PHF3: variants seen among roughly 807,000 people sequenced by gnomAD.
PHF3 encodes the protein PHD finger protein 3.
In PHF3, 41 loss-of-function variants were observed where a neutral mutation model predicts 178.4. The ratio of observed to expected loss-of-function variants is 0.23; its 90% CI spans 0.18 to 0.30. The LOEUF is 0.30. Ranked by LOEUF, PHF3 falls within the 10% of genes least tolerant of loss-of-function variation. The pLI is 1.00. For synonymous variants in PHF3, 842 were observed against 800.5 expected (o/e 1.05, Z -0.88); for missense variants, 2,346 against 2,398.1 (o/e 0.98, Z 0.45).
At chr6:63,690,710 CCT>C (rs2149590608) in intron 4 of PHF3, among the ~76,000 whole-genome samples, 1 of 152,120 alleles carries the variant, frequency 6.6e-6, no homozygotes, top group Admixed American at 6.5e-5. Context: ...AAATTGCTAG[CCT>C]GAAGATGAAA....
Position 63,636,103 on chromosome 6 carries a change from A to G in PHF3, c.-73A>G. 1 of 392,034 alleles carries G rather than the reference A, an allele frequency of 2.6e-6. No homozygotes were observed. Among genetic ancestry groups the G allele is most frequent in the Non-Finnish European group, 4.5e-6 (1 of 222,432 alleles). 24.3% of individuals were successfully genotyped at this position (392,034 alleles called of 1,614,324 possible). A position where few individuals can be genotyped will look rare whatever the true frequency, so the allele number is the denominator to read the frequency against. Reference sequence around the variant, plus strand: ...CTCCTCTTCGGCGGCGGCAGCGTCCACCATCTTCCTCTTGCTGCCAGTGGT... The same window carrying G: ...CTCCTCTTCGGCGGCGGCAGCGTCCGCCATCTTCCTCTTGCTGCCAGTGGT... On this transcript the variant is annotated 5_prime_UTR_variant, in exon 1 of 16. Transcript: ENST00000262043.
intron 2 of PHF3, among the ~76,000 whole-genome samples, chr6:63,657,411 AAGCC>A (rs1765282515): frequency 6.6e-6 from 1 of 152,200 alleles, no homozygotes; most frequent in Admixed American, 6.5e-5. Context: ...TGTTGACTGG[AAGCC>A]TTACTGATAG....
rs745629200 is a variant in PHF3, at chr6:63,685,188, A to C, written c.1466A>C (p.Lys489Thr). ...TTAGAGTCAAAAAGTGTAAAATCCA[A>C]ACATACAAAACCTGTAATTCATTCT... The part of the protein sequence containing the change: ...SYLESKSVKS[K>T]HTKPVIHSKQ... Residue 489 changes from lysine (K) to threonine (T), a missense_variant, in exon 4 of 16, where the codon AAA (lysine) becomes ACA (threonine). This residue lies in a region of PHF3 where 843 missense variants were observed against 795.2 expected (regional missense o/e 1.06). Transcript: ENST00000262043. The C allele has an allele frequency of 2.2e-5, 35 of 1,613,982 alleles. No homozygotes were observed. The highest frequency in any genetic ancestry group is 3.0e-5 in the Non-Finnish European group (35 of 1,179,994).
At chr6:63,655,719 A>G (rs1370398381) in intron 2 of PHF3, among the ~76,000 whole-genome samples, 3 of 152,180 alleles carry the variant, frequency 2.0e-5, no homozygotes, top group African/African-American at 7.2e-5. Context: ...AAGCAGCTTT[A>G]ATTGCTCTCA....
chr6:63,641,483 C>T (rs1764570632), intron 1 of PHF3, among the ~76,000 whole-genome samples: 1 of 150,656 alleles, frequency 6.6e-6, no homozygotes, highest in African/African-American at 2.4e-5. Context: ...TAGTATATAA[C>T]CTCTTTGGCC....
rs190208638 is a variant in PHF3 at position 63,651,985 on chromosome 6, A to G, written c.244+5190A>G. ...CTTAGGTCGATTTCGTATTATGGCT[A>G]TTGTTAATAGTGCTGTAATAAACAT... On this transcript the variant is annotated intron_variant, in intron 2 of 15. Coordinates refer to ENST00000262043, the MANE Select transcript of PHF3 (RefSeq NM_001370348.2). Among the ~76,000 whole-genome samples, 8 of 152,194 alleles carry G rather than the reference A, an allele frequency of 5.3e-5. No homozygotes were observed. In the East Asian group the frequency reaches 1.4e-3, roughly 26 times the overall value.
intron 8 of PHF3, among the ~76,000 whole-genome samples, chr6:63,700,040 A>G (rs996034769): frequency 6.6e-6 from 1 of 152,140 alleles, no homozygotes; most frequent in Non-Finnish European, 1.5e-5. Context: ...TCGCTATACT[A>G]TAGATTGCTT....
chr6:63,711,217 T>G lies in PHF3; in HGVS notation c.3852T>G (p.Ser1284=), dbSNP rs200172174. 6.2e-7 allele frequency: 1 copy of G among 1,611,278 alleles called. No individual in the cohort carries two copies. The highest frequency in any genetic ancestry group is 1.3e-5 in the African/African-American group (1 of 74,876). ...CAGTAACTGAAGAAGATCAAATTTC[T>G]TATACTTTGCTCTTTGCATACTTCA... ...FTPVTEEDQI[S]YTLLFAYFSS... is the part of the protein sequence containing the mutation. Residue 1284 remains serine, a synonymous_variant, in exon 15 of 16, where the codon TCT becomes TCG. Transcript: ENST00000262043.
At chr6:63,700,256 G>A (rs1218546355) in intron 8 of PHF3, 94 bp from the exon 9 acceptor site, 10 of 583,672 alleles carry the variant, frequency 1.7e-5, no homozygotes, top group Admixed American at 2.7e-5. Flanking sequence ...TTGTAAATCA[G>A]TCTTCAAAAA....
chr6:63,663,833 A>G (rs1234023883), intron 2 of PHF3, among the ~76,000 whole-genome samples: 1 of 152,172 alleles, frequency 6.6e-6, no homozygotes, highest in Non-Finnish European at 1.5e-5. Context: ...TTTCACCTTT[A>G]TTGCATAATT....
In PHF3 at chr6:63,717,000, TATC is replaced by T. The variant is rs150750474; in HGVS notation, c.*3296_*3298del. ...GGGGTGTAGACATCTTTTGGGGGAT[TATC>T]ATCTACCAACAGCCCTTGACTTACT... On this transcript the variant is annotated 3_prime_UTR_variant, in exon 16 of 16. Transcript: ENST00000262043. Among the ~76,000 whole-genome samples the T allele has an allele frequency of 0.012, 1,801 of 152,150 alleles. 30 individuals carry two copies. The highest frequency in any genetic ancestry group is 0.042 in the African/African-American group (1,726 of 41,526).
rs767398831 is a variant in PHF3, at chr6:63,680,063, A to G, written c.308A>G (p.Asp103Gly). 5.0e-6 allele frequency: 8 copies of G among 1,612,920 alleles called. No homozygotes were observed. The South Asian group carries it at 7.7e-5, about 16-fold the overall frequency. The change falls in exon 3 of 16, where the codon GAT (aspartate) becomes GGT (glycine). Residue 103 changes from aspartate (D) to glycine (G), a missense_variant. By Grantham distance (94) the Asp-to-Gly change is moderately conservative (BLOSUM62 -1). Coordinates refer to ENST00000262043, the MANE Select transcript of PHF3 (RefSeq NM_001370348.2). Reference sequence around the variant, plus strand: ...AAAGAAAGTGGCAATGATACCATTGATGAAGAAGAACTGATTTTACCTAAC... The same window carrying G: ...AAAGAAAGTGGCAATGATACCATTGGTGAAGAAGAACTGATTTTACCTAAC... Reference protein sequence around the residue: ...VVKESGNDTIDEEELILPNRN... With the variant: ...VVKESGNDTIGEEELILPNRN...
intron 1 of PHF3, among the ~76,000 whole-genome samples, chr6:63,641,262 C>T (rs1039441953): frequency 2.6e-5 from 4 of 152,186 alleles, no homozygotes; most frequent in Admixed American, 6.5e-5. Context: ...CACTACCTCA[C>T]TTGAGATTTT....
chr6:63,706,749 T>C lies in PHF3; in HGVS notation c.3584T>C (p.Val1195Ala). 1 of 1,613,916 alleles carries C rather than the reference T, an allele frequency of 6.2e-7. No homozygotes were observed. The highest frequency in any genetic ancestry group is 8.5e-7 in the Non-Finnish European group (1 of 1,179,898). Residue 1195 changes from valine (V) to alanine (A), a missense_variant, in exon 13 of 16, where the codon GTT (valine) becomes GCT (alanine). This residue lies in a region of PHF3 where 205 missense variants were observed against 212.4 expected (regional missense o/e 0.97). Coordinates refer to ENST00000262043, the MANE Select transcript of PHF3 (RefSeq NM_001370348.2). ...TCTAGTCCAGAGATGCCTGGAACTGTTGAAGTTGAGTCTACCTTTCTGGCT... is the reference window on the plus strand; with the variant it reads ...TCTAGTCCAGAGATGCCTGGAACTGCTGAAGTTGAGTCTACCTTTCTGGCT... ...PAPRPEMPGT[V>A]EVESTFLARL...
rs181693905 is a variant in PHF3, at chr6:63,659,608, A to G, written c.244+12813A>G. 2.6e-4 allele frequency among the ~76,000 whole-genome samples: 40 copies of G among 152,348 alleles called. 1 individual carries two copies. In the East Asian group the frequency reaches 7.3e-3, roughly 28 times the overall value. On this transcript the variant is annotated intron_variant, in intron 2 of 15. Coordinates refer to ENST00000262043, the MANE Select transcript of PHF3 (RefSeq NM_001370348.2). ...GAGCTGTAGATACTACAGGTTGAGT[A>G]TCCCTTACCTGAAATGCTTAGGACC... is the stretch of plus-strand genomic sequence containing the variant.
At chr6:63,649,319 C>T (rs1302293876) in intron 2 of PHF3, among the ~76,000 whole-genome samples, 2 of 152,146 alleles carry the variant, frequency 1.3e-5, no homozygotes, top group Admixed American at 6.5e-5. Context: ...ATAACTTCAG[C>T]TGTTTTTAAA....
At chr6:63,711,409 G>C in intron 15 of PHF3, 47 bp downstream of exon 15, 1 of 1,479,236 alleles carries the variant, frequency 6.8e-7, no homozygotes, top group Non-Finnish European at 9.2e-7. Flanking sequence ...TAACATGGGA[G>C]GTGGGACCAG....
chr6:63,684,637 T>C lies in PHF3; in HGVS notation c.915T>C (p.Gly305=). Residue 305 remains glycine, a synonymous_variant, in exon 4 of 16, where the codon GGT becomes GGC. Transcript: ENST00000262043. ...EQNDSISGKT[G]ETVVEEMIAT... ...ATGATTCCATTTCAGGTAAAACGGG[T>C]GAGACTGTTGTTGAAGAAATGATAG... 6.2e-7 allele frequency: 1 copy of C among 1,613,736 alleles called. No homozygotes were observed. The highest frequency in any genetic ancestry group is 2.2e-5 in the East Asian group (1 of 44,844).
chr6:63,700,494 A>G (rs547928561), intron 9 of PHF3, 28 bp downstream of exon 9: 26 of 1,204,054 alleles, frequency 2.2e-5, no homozygotes, highest in Non-Finnish European at 3.2e-5. Context: ...TATGCATTTG[A>G]CTATCAAAAT....
Sources: gnomAD v4.1 joint callset for allele counts (sites outside exome capture counted in the v4.1 genomes callset) on GRCh38, gnomAD v4.1.1 for gene constraint, gnomAD v4.1.1 regional missense constraint, MANE v1.5 for transcripts, NCBI Gene and HGNC (gene_info 2026-07-23, HGNC 2026-07-21) for gene names.